The following PALLD variants were observed in gnomAD, a reference collection of about 807,000 sequenced individuals.
PALLD encodes the protein palladin, cytoskeletal associated protein.
Under a neutral mutation model 123.5 loss-of-function variants are expected in PALLD, and 61 were observed. The observed-to-expected ratio is 0.49, with a 90% CI of 0.40 to 0.61. PALLD has a LOEUF of 0.61. PALLD is among the 20% of genes least tolerant of loss of function. The pLI is 0.00. For synonymous variants in PALLD, 465 were observed against 496.4 expected, an observed-to-expected ratio of 0.94 and a Z score of 0.84; for missense variants, 1,273 against 1,377.0, an observed-to-expected ratio of 0.92 and a Z score of 1.20.
At chr4:168,817,236 T>C (rs984392476) in intron 10 of PALLD, among the ~76,000 whole-genome samples, 1 of 152,214 alleles carries the variant, frequency 6.6e-6, no homozygotes, top group African/African-American at 2.4e-5. Context: ...ATAATAAGCA[T>C]GCTTTTGTTA....
chr4:168,927,269 A>T lies in PALLD; in HGVS notation c.*1089A>T, dbSNP rs1312122631. On this transcript the variant is annotated 3_prime_UTR_variant, in exon 22 of 22. Transcript: ENST00000505667. ...GATTATAGTGTGTTCATTTAGATAAAAGTAGAAGGCACAGGAGAGGTAGCA... is the reference window on the plus strand; with the variant it reads ...GATTATAGTGTGTTCATTTAGATAATAGTAGAAGGCACAGGAGAGGTAGCA... The T allele has an allele frequency of 4.3e-6, 1 of 231,080 alleles. No individual in the cohort carries two copies. Among genetic ancestry groups the T allele is most frequent in the African/African-American group, 2.2e-5 (1 of 45,170 alleles). The allele number at this position is 231,080 out of a possible 1,614,324, so 14.3% of individuals were successfully genotyped here. A position where few individuals can be genotyped will look rare whatever the true frequency, so the allele number is the denominator to read the frequency against.
intron 2 of PALLD, among the ~76,000 whole-genome samples, chr4:168,639,056 A>T (rs1314288985): frequency 6.6e-6 from 1 of 152,152 alleles, no homozygotes; most frequent in African/African-American, 2.4e-5. Context: ...CAGTTTTCCC[A>T]GCCCATGACA....
intron 10 of PALLD, among the ~76,000 whole-genome samples, chr4:168,883,948 CAAAAA>C (rs35084179): frequency 7.0e-6 from 1 of 142,478 alleles, no homozygotes; most frequent in Non-Finnish European, 1.5e-5. Context: ...TGCAAACCAT[CAAAAA>C]AAAAAAGGAG....
intron 10 of PALLD, among the ~76,000 whole-genome samples, chr4:168,780,002 G>A (rs771869123): frequency 2.6e-5 from 4 of 151,712 alleles, no homozygotes; most frequent in Non-Finnish European, 4.4e-5. Context: ...GGGTTCAAGC[G>A]ATTCTCCTGC....
rs558486177 is a variant in PALLD, at chr4:168,869,073, G to A, written c.1965-21849G>A. 2.0e-5 allele frequency among the ~76,000 whole-genome samples: 3 copies of A among 152,276 alleles called. No homozygotes were observed. The highest frequency in any genetic ancestry group is 6.5e-5 in the Admixed American group (1 of 15,284). ...GAGCTGCATTACCAGGTTCACAAAC[G>A]TTCTCATTCGGGTTTGGGAGTTTCA... On this transcript the variant is annotated intron_variant, in intron 10 of 21. Coordinates refer to ENST00000505667, the MANE Select transcript of PALLD (RefSeq NM_001166108.2). This position sits in a 1 kb window ranked among gnomAD's most constrained non-coding sequence, Gnocchi z 4.5.
At chr4:168,509,925 T>C (rs12508093) in intron 1 of PALLD, among the ~76,000 whole-genome samples, 44,803 of 152,050 alleles carry the variant, frequency 0.29, 6,708 homozygotes, top group Non-Finnish European at 0.33. Flanking sequence ...CCCTCGACTC[T>C]TGCATAATGT....
At chr4:168,670,746 ACAAAAAAAACAAAAAAAAC>A (rs1780147157) in intron 3 of PALLD, among the ~76,000 whole-genome samples, 4 of 63,186 alleles carry the variant, frequency 6.3e-5, no homozygotes, top group African/African-American at 3.0e-4. Context: ...TCTCAAAAAA[ACAAAAAAAACAAAAAAAAC>A]AAAAAAAAAC....
At chr4:168,555,374 A>G (rs1026560198) in intron 2 of PALLD, among the ~76,000 whole-genome samples, 2 of 152,150 alleles carry the variant, frequency 1.3e-5, no homozygotes, top group Admixed American at 6.5e-5. Context: ...TTCCCTAACT[A>G]AAAAGGAGGA....
chr4:168,600,994 A>G (rs569214180), intron 2 of PALLD, among the ~76,000 whole-genome samples: 4 of 152,286 alleles, frequency 2.6e-5, no homozygotes, highest in East Asian at 1.9e-4. Context: ...TGTCTTTAGC[A>G]TAATATTCTA....
chr4:168,745,328 T>C (rs923728764), intron 10 of PALLD, among the ~76,000 whole-genome samples: 1 of 149,912 alleles, frequency 6.7e-6, no homozygotes, highest in African/African-American at 2.4e-5. Context: ...GCCCTTTGAA[T>C]CACCTTCATA....
At chr4:168,511,120 G>C (rs1762490036) in intron 1 of PALLD, among the ~76,000 whole-genome samples, 1 of 152,050 alleles carries the variant, frequency 6.6e-6, no homozygotes, top group Non-Finnish European at 1.5e-5. Context: ...ATCAATTAGA[G>C]TTTGAGTAAG....
intron 2 of PALLD, among the ~76,000 whole-genome samples, chr4:168,611,102 C>T (rs1773684442): frequency 6.6e-6 from 1 of 152,202 alleles, no homozygotes; most frequent in African/African-American, 2.4e-5. Context: ...TGACTGGACC[C>T]TTGGTCACTG....
chr4:168,798,146 T>C (rs1738790080), intron 10 of PALLD, among the ~76,000 whole-genome samples: 1 of 152,172 alleles, frequency 6.6e-6, no homozygotes, highest in African/African-American at 2.4e-5. Context: ...TCCAGCATGC[T>C]TTCTATGATG....
At chr4:168,759,202 AATATATATATATAT>A (rs147474708) in intron 10 of PALLD, among the ~76,000 whole-genome samples, 231 of 22,090 alleles carry the variant, frequency 0.01, no homozygotes, top group African/African-American at 0.033. Context: ...AAAAAAAAAA[AATATATATATATAT>A]ATATATATAT....
intron 10 of PALLD, among the ~76,000 whole-genome samples, chr4:168,829,709 G>A (rs1378114063): frequency 6.6e-6 from 1 of 152,196 alleles, no homozygotes; most frequent in Non-Finnish European, 1.5e-5. Context: ...CAGCCCTAAG[G>A]GCCCTTTGAC....
chr4:168,888,242 C>G (rs893983949), intron 10 of PALLD, among the ~76,000 whole-genome samples: 1 of 152,126 alleles, frequency 6.6e-6, no homozygotes, highest in African/African-American at 2.4e-5. Flanking sequence ...CTAGTGTTAC[C>G]TTATTTGAAC....
intron 10 of PALLD, among the ~76,000 whole-genome samples, chr4:168,785,174 A>G (rs1736536480): frequency 7.0e-6 from 1 of 143,054 alleles, no homozygotes; most frequent in African/African-American, 2.6e-5. Context: ...GTATGGAATT[A>G]GTTAGCAGAC....
chr4:168,907,095 T>C (rs187655539), intron 15 of PALLD, among the ~76,000 whole-genome samples: 1 of 152,054 alleles, frequency 6.6e-6, no homozygotes, highest in Admixed American at 6.5e-5. Flanking sequence ...TCTCTGTGCC[T>C]GTTTCCTCCC....
At chr4:168,725,587 T>C (rs1214544830) in intron 10 of PALLD, among the ~76,000 whole-genome samples, 2 of 135,948 alleles carry the variant, frequency 1.5e-5, no homozygotes, top group African/African-American at 2.8e-5. Flanking sequence ...AGTGCAGTGG[T>C]GCGATCTCTG....
Sources: allele counts gnomAD v4.1 joint callset (sites outside exome capture counted in the v4.1 genomes callset), GRCh38; gene constraint gnomAD v4.1.1; non-coding constraint Gnocchi (gnomAD v3.1); transcripts MANE v1.5; gene names NCBI Gene and HGNC (gene_info 2026-07-23, HGNC 2026-07-21).